The following ZNF577 variants were observed in gnomAD, a reference collection of about 807,000 sequenced individuals.
ZNF577 encodes zinc finger protein 577.
ZNF577 carries 14 observed loss-of-function variants against 13.9 expected under a neutral mutation model. The ratio of observed to expected loss-of-function variants is 1.00; its 90% confidence interval spans 0.66 to 1.57. The LOEUF (loss-of-function observed/expected upper bound fraction) is 1.57. Ranked by LOEUF, ZNF577 falls within the 40% of genes most tolerant of loss-of-function variation. The pLI, the probability that ZNF577 is intolerant of heterozygous loss-of-function variation, is 0.00. For synonymous variants in ZNF577, 203 were observed against 202.9 expected (o/e 1.00, Z 0.00); for missense variants, 555 against 579.2 (o/e 0.96, Z 0.43).
chr19:51,866,854 C>T (rs996336335), downstream of ZNF577, among the ~76,000 whole-genome samples: 1 of 151,972 alleles, frequency 6.6e-6, no homozygotes, highest in East Asian at 1.9e-4. Context: ...TGGTGACACA[C>T]ACCTTAATCC....
intron 1 of ZNF577, chr19:51,886,234 A>G (rs1378885012): frequency 6.6e-6 from 1 of 152,194 alleles, no homozygotes. Context: ...TTTCTCTTAT[A>G]AATGTATAGG....
downstream of ZNF577, among the ~76,000 whole-genome samples, chr19:51,863,974 A>T (rs2084532072): frequency 6.6e-6 from 1 of 152,242 alleles, no homozygotes; most frequent in Admixed American, 6.5e-5. Context: ...GCTCCCTTGT[A>T]GGAGGATCCT....
chr19:51,873,637 C>T lies in ZNF577; in HGVS notation c.353G>A (p.Cys118Tyr), dbSNP rs773379160. Residue 118 changes from cysteine to tyrosine, a missense_variant, in exon 6 of 6, where the codon TGC becomes TAC. Cys to Tyr is a radical substitution (Grantham distance 194). Transcript: ENST00000638348. Reference sequence around the variant, plus strand: ...AGTTTTGTCACGCTTGATATGGAGGCATGATCTCCCATATCCACCAAATGC... The same window carrying T: ...AGTTTTGTCACGCTTGATATGGAGGTATGATCTCCCATATCCACCAAATGC... Reference protein sequence around the residue: ...SDAFGGYGRSCLHIKRDKTLT... With the variant: ...SDAFGGYGRSYLHIKRDKTLT... The T allele has an allele frequency of 1.2e-6, 2 of 1,614,074 alleles. No homozygotes were observed. Among genetic ancestry groups the T allele is most frequent in the Non-Finnish European group, 1.7e-6 (2 of 1,179,946 alleles).
rs1469196315 is a variant in ZNF577, at chr19:51,824,419, T to C, written c.*600-12745A>G. On this transcript the variant is annotated intron_variant and NMD_transcript_variant, in intron 9 of 10. Coordinates refer to the ZNF577 transcript ENST00000638827. This position sits in a 1 kb window ranked among gnomAD's most constrained non-coding sequence, Gnocchi z 4.7. ...ATCATCACAGTCTGCTATGGGATCA[T>C]CGCTGCCAAAATTCACAGAAACCAC... 1.2e-6 allele frequency: 2 copies of C among 1,614,018 alleles called. No homozygotes were observed. Among genetic ancestry groups the C allele is most frequent in the African/African-American group, 2.7e-5 (2 of 74,926 alleles).
intron 10 of ZNF577, among the ~76,000 whole-genome samples, chr19:51,807,046 G>C (rs2084063851): frequency 6.6e-6 from 1 of 152,208 alleles, no homozygotes; most frequent in Non-Finnish European, 1.5e-5. Context: ...ATTGTAGCCT[G>C]CCACGATCCC....
At chr19:51,806,807 C>T (rs1419683773) in intron 10 of ZNF577, among the ~76,000 whole-genome samples, 3 of 152,212 alleles carry the variant, frequency 2.0e-5, no homozygotes, top group South Asian at 2.1e-4. Flanking sequence ...ATAAGTGAAA[C>T]AAATTAAGCA....
chr19:51,838,748 T>C (rs568470225), intron 9 of ZNF577, among the ~76,000 whole-genome samples: 1 of 151,846 alleles, frequency 6.6e-6, no homozygotes, highest in African/African-American at 2.4e-5. Flanking sequence ...AATAACATAG[T>C]ACAAAAGATA....
chr19:51,863,247 C>G (rs968505051), downstream of ZNF577: 1 of 152,166 alleles, frequency 6.6e-6, no homozygotes, highest in Non-Finnish European at 1.5e-5. Context: ...CATATGATTT[C>G]TTTCCAAAAA....
chr19:51,887,852 A>C lies in ZNF577; in HGVS notation c.-1250T>G, dbSNP rs550193002. ...CAGACCAGACCGATGACCTGTCTCC[A>C]CTGCTGGAGGCGAGTCAGGGACCCG... On this transcript the variant is annotated 5_prime_UTR_variant, in exon 1 of 6. Coordinates refer to ENST00000638348, the MANE Select transcript of ZNF577 (RefSeq NM_001370449.1). 1.1e-3 allele frequency: 160 copies of C among 151,852 alleles called. No individual in the cohort carries two copies. Among genetic ancestry groups the C allele is most frequent in the African/African-American group, 3.8e-3 (157 of 41,454 alleles). The allele number at this position is 151,852 out of a possible 1,614,324, so 9.4% of individuals were successfully genotyped here.
intron 5 of ZNF577, chr19:51,860,573 T>C (rs995900830): frequency 6.5e-6 from 1 of 154,174 alleles, no homozygotes; most frequent in African/African-American, 2.4e-5. Flanking sequence ...ATGGGTTTTG[T>C]GGCCAATGGC....
intron 9 of ZNF577, among the ~76,000 whole-genome samples, chr19:51,834,244 C>T (rs1471342134): frequency 6.6e-6 from 1 of 152,084 alleles, no homozygotes; most frequent in Non-Finnish European, 1.5e-5. Context: ...AGCCACACTC[C>T]TTTTATTTAT....
At chr19:51,885,109 T>C (rs781125938) in intron 1 of ZNF577, among the ~76,000 whole-genome samples, 4 of 152,262 alleles carry the variant, frequency 2.6e-5, no homozygotes, top group East Asian at 1.9e-4. Context: ...CAGTGTTTTA[T>C]ATTGGTCAAG....
At chr19:51,809,523 G>A (rs940046802) in intron 10 of ZNF577, among the ~76,000 whole-genome samples, 1 of 152,210 alleles carries the variant, frequency 6.6e-6, no homozygotes, top group African/African-American at 2.4e-5. Flanking sequence ...CTTTCATGGA[G>A]AAGGGTGTGA....
At position 51,886,848 on chromosome 19, in the gene ZNF577, C is replaced by T. The variant is rs1441351506; in HGVS notation, c.-246G>A. 6.6e-6 allele frequency: 1 copy of T among 152,206 alleles called. No individual in the cohort carries two copies. The highest frequency in any genetic ancestry group is 1.9e-4 in the East Asian group (1 of 5,208). The allele number at this position is 152,206 out of a possible 1,614,324, so 9.4% of individuals were successfully genotyped here. ...AAGTCAGAGGCAGAGGCAGGTACTT[C>T]TTACTCCACAGTCCATACACTTGCC... On this transcript the variant is annotated 5_prime_UTR_variant, in exon 1 of 6. Transcript: ENST00000638348.
At chr19:51,846,183 G>A (rs1421741211) in intron 5 of ZNF577, among the ~76,000 whole-genome samples, 3 of 152,076 alleles carry the variant, frequency 2.0e-5, no homozygotes. Context: ...AGTCCACCAT[G>A]CCCAGCTAAT....
intron 3 of ZNF577, among the ~76,000 whole-genome samples, chr19:51,879,125 T>C (rs1384160196): frequency 2.6e-5 from 4 of 151,562 alleles, no homozygotes; most frequent in East Asian, 1.9e-4. Flanking sequence ...GGCATGGTGG[T>C]GGGCACCTGT....
At chr19:51,853,623 T>C (rs1041191351) in intron 5 of ZNF577, among the ~76,000 whole-genome samples, 6 of 152,224 alleles carry the variant, frequency 3.9e-5, no homozygotes, top group African/African-American at 1.4e-4. Context: ...TAGAGCCTGG[T>C]TCTGAACCTG....
chr19:51,872,658 A>G lies in ZNF577; in HGVS notation c.1332T>C (p.Phe444=), dbSNP rs1316247934. 6.2e-7 allele frequency: 1 copy of G among 1,614,052 alleles called. No individual in the cohort carries two copies. Among genetic ancestry groups the G allele is most frequent in the African/African-American group, 1.3e-5 (1 of 74,928 alleles). The change falls in exon 6 of 6, where the codon TTT becomes TTC. Residue 444 remains phenylalanine, a synonymous_variant. Coordinates refer to ENST00000638348, the MANE Select transcript of ZNF577 (RefSeq NM_001370449.1). ...GRNVVIVEQP[F]PRNQAFVVNQ... is the part of the protein sequence containing the mutation. Reference sequence around the variant, plus strand: ...TAACTACAAAGGCTTGATTTCTTGGAAAAGGTTGTTCCACAATCACTACAT... The same window carrying G: ...TAACTACAAAGGCTTGATTTCTTGGGAAAGGTTGTTCCACAATCACTACAT...
At position 51,873,026 on chromosome 19, in the gene ZNF577, C is replaced by T; in HGVS notation, c.964G>A (p.Gly322Arg). Residue 322 changes from glycine (G) to arginine (R), a missense_variant, in exon 6 of 6, where the codon GGA becomes AGA. Physicochemically the swap from Gly to Arg is moderately radical, Grantham distance 125 (BLOSUM62 -2). Transcript: ENST00000638348. Reference sequence around the variant, plus strand: ...TCACTACATTCATAAGGTTTCTCTCCCGTATGAATCCTCTGATGTCTGGTC... The same window carrying T: ...TCACTACATTCATAAGGTTTCTCTCTCGTATGAATCCTCTGATGTCTGGTC... The part of the protein sequence containing the change: ...DLTRHQRIHT[G>R]EKPYECSECE... 1 of 1,614,168 alleles carries T rather than the reference C, an allele frequency of 6.2e-7. No homozygotes were observed. Among genetic ancestry groups the T allele is most frequent in the Non-Finnish European group, 8.5e-7 (1 of 1,180,044 alleles).
Sources: allele counts gnomAD v4.1 joint callset (sites outside exome capture counted in the v4.1 genomes callset), GRCh38; gene constraint gnomAD v4.1.1; non-coding constraint Gnocchi (gnomAD v3.1); transcripts MANE v1.5; gene names NCBI Gene and HGNC (gene_info 2026-07-23, HGNC 2026-07-21).